The following HSPB2 variants were observed in gnomAD, a reference collection of about 807,000 sequenced individuals.
The protein encoded by HSPB2 is heat shock protein family B (small) member 2, also known as heat shock protein beta-2.
In HSPB2, 14 loss-of-function variants were observed where a neutral mutation model predicts 14.1. The observed-to-expected ratio is 0.99, with a 90% CI of 0.66 to 1.55. The LOEUF (loss-of-function observed/expected upper bound fraction) is 1.55. Among genes scored for constraint, HSPB2 ranks in the 40% most tolerant of loss-of-function variants. HSPB2 has a pLI of 0.00. For synonymous variants in HSPB2, 110 were observed against 103.4 expected (o/e 1.06, Z -0.39); for missense variants, 242 against 241.7 (o/e 1.00, Z -0.01).
rs560871797 is a variant in HSPB2, at chr11:111,913,043, A to G, written c.94+120A>G. The stretch of plus-strand genomic sequence containing the variant: ...CTTAACTGATCTCCTGGGACCAGCC[A>G]CCCCCCACCCCAGACTACCCCTCAT... On this transcript the variant is annotated intron_variant, in intron 1 of 1. Transcript: ENST00000304298. The G allele has an allele frequency of 3.2e-3, 2,152 of 677,182 alleles. 8 individuals are homozygous for G. Among genetic ancestry groups the G allele is most frequent in the Non-Finnish European group, 3.0e-3 (1,179 of 388,480 alleles). 41.9% of individuals were successfully genotyped at this position (677,182 alleles called of 1,614,324 possible). A position where few individuals can be genotyped will look rare whatever the true frequency, so the allele number is the denominator to read the frequency against.
Position 111,913,559 on chromosome 11 carries a change from G to A in HSPB2, c.213G>A (p.Glu71=), listed in dbSNP as rs1054895107. Residue 71 remains glutamate (E), a synonymous_variant, in exon 2 of 2, where the codon GAG becomes GAA. Coordinates refer to ENST00000304298, the MANE Select transcript of HSPB2 (RefSeq NM_001541.4). The part of the protein sequence containing the change: ...RAGASELRLS[E]GKFQAFLDVS... ...GGGCCTCCGAGCTTAGGCTCAGTGA[G>A]GGCAAGTTCCAGGCATTTCTGGATG... The A allele has an allele frequency of 1.9e-6, 3 of 1,614,174 alleles. No individual in the cohort carries two copies. In the Admixed American group the frequency reaches 5.0e-5, roughly 27 times the overall value.
chr11:111,913,468 C>G lies in HSPB2; in HGVS notation c.122C>G (p.Pro41Arg). Residue 41 changes from proline to arginine, a missense_variant, in exon 2 of 2, where the codon CCC (proline) becomes CGC (arginine). By Grantham distance (103) the Pro-to-Arg change is moderately radical. Transcript: ENST00000304298. ...CTCCTGCCAGAAGAGATCCTGACCCCCACACTCTACCATGGCTACTATGTC... is the reference window on the plus strand; with the variant it reads ...CTCCTGCCAGAAGAGATCCTGACCCGCACACTCTACCATGGCTACTATGTC... Reference protein sequence around the residue: ...EGLLPEEILTPTLYHGYYVRP... With the variant: ...EGLLPEEILTRTLYHGYYVRP... 2 of 1,611,418 alleles carry G rather than the reference C, an allele frequency of 1.2e-6. No homozygotes were observed. The highest frequency in any genetic ancestry group is 8.5e-7 in the Non-Finnish European group (1 of 1,179,986).
chr11:111,913,952 AGCTGC>A lies in HSPB2; in HGVS notation c.*58_*62del. On this transcript the variant is annotated 3_prime_UTR_variant, in exon 2 of 2. Coordinates refer to ENST00000304298, the MANE Select transcript of HSPB2 (RefSeq NM_001541.4). ...CTCTACCTCCCAAGGTGATATGGGC[AGCTGC>A]CCACCACTCCAGAGGTAGCAGCATC... is the stretch of plus-strand genomic sequence containing the variant. 1 of 1,436,898 alleles carries A rather than the reference AGCTGC, an allele frequency of 7.0e-7. No homozygotes were observed. The highest frequency in any genetic ancestry group is 1.3e-5 in the South Asian group (1 of 76,822). The allele number at this position is 1,436,898 out of a possible 1,614,324, so 89.0% of individuals were successfully genotyped here. A position where few individuals can be genotyped will look rare whatever the true frequency, so the allele number is the denominator to read the frequency against.
intron 1 of HSPB2, 83 bp from the exon 2 acceptor site, chr11:111,913,358 C>A: frequency 9.3e-7 from 1 of 1,074,702 alleles, no homozygotes; most frequent in South Asian, 1.4e-5. Flanking sequence ...CTTCCCAATC[C>A]CTCCTCTCCA....
At position 111,913,912 on chromosome 11, in the gene HSPB2, A is replaced by G; in HGVS notation, c.*17A>G. ...GAGCCCTGATTGCCACAGACCCAGC[A>G]CCCAGCAAATCCCTCTCTACCTCCC... On this transcript the variant is annotated 3_prime_UTR_variant, in exon 2 of 2. Transcript: ENST00000304298. 6.3e-7 allele frequency: 1 copy of G among 1,582,738 alleles called. No homozygotes were observed. The highest frequency in any genetic ancestry group is 8.6e-7 in the Non-Finnish European group (1 of 1,164,596).
Position 111,913,987 on chromosome 11 carries a change from G to C in HSPB2, c.*92G>C, listed in dbSNP as rs984087967. 6 of 1,127,394 alleles carry C rather than the reference G, an allele frequency of 5.3e-6. No homozygotes were observed. Among genetic ancestry groups the C allele is most frequent in the Non-Finnish European group, 7.5e-6 (6 of 798,964 alleles). The allele number at this position is 1,127,394 out of a possible 1,614,324, so 69.8% of individuals were successfully genotyped here. A position where few individuals can be genotyped will look rare whatever the true frequency, so the allele number is the denominator to read the frequency against. ...CACTCCAGAGGTAGCAGCATCCTTG[G>C]GGGAAGGGAAAGGTGCATGGTCCAC... On this transcript the variant is annotated 3_prime_UTR_variant, in exon 2 of 2. Transcript: ENST00000304298.
chr11:111,913,207 TCCTCCTCCC>T, intron 1 of HSPB2: 1 of 598,750 alleles, frequency 1.7e-6, no homozygotes. Flanking sequence ...TGGTGCCTCC[TCCTCCTCCC>T]CCTCCTCCTC....
rs1566414678 is a variant in HSPB2 at position 111,913,538 on chromosome 11, CT to C, written c.193del (p.Ser65ProfsTer16). ...CTGGGGAGGGCAGCAGGGCAGGGGC[CT>C]CCGAGCTTAGGCTCAGTGAGGGCAA... ...PAGEGSRAGASELRLSEGKFQ... is the reference protein window; with the variant it reads ...PAGEGSRAGAXELRLSEGKFQ... On this transcript the variant is annotated frameshift_variant, in exon 2 of 2. Coordinates refer to ENST00000304298, the MANE Select transcript of HSPB2 (RefSeq NM_001541.4). LOFTEE classifies it high-confidence loss of function. The C allele has an allele frequency of 6.2e-7, 1 of 1,614,150 alleles. No individual in the cohort carries two copies. Among genetic ancestry groups the C allele is most frequent in the Admixed American group, 1.7e-5 (1 of 60,022 alleles).
rs1965508691 is a variant in HSPB2, at chr11:111,912,833, T to G, written c.4T>G (p.Ser2Ala). 1 of 1,600,974 alleles carries G rather than the reference T, an allele frequency of 6.2e-7. No individual in the cohort carries two copies. The highest frequency in any genetic ancestry group is 2.0e-4 in the Middle Eastern group (1 of 4,888). MSGRSVPHAHPA... is the reference protein window; with the variant it reads MAGRSVPHAHPA... ...GGCTTCTGCTGCATCTGCAGCCATG[T>G]CGGGCCGCTCAGTGCCACATGCCCA... Residue 2 changes from serine to alanine, a missense_variant, in exon 1 of 2, where the codon TCG becomes GCG. By Grantham distance (99) the Ser-to-Ala change is moderately conservative. Transcript: ENST00000304298.
At chr11:111,913,317 G>A (rs553381463) in intron 1 of HSPB2, 124 bp from the exon 2 acceptor site, 10 of 737,094 alleles carry the variant, frequency 1.4e-5, no homozygotes, top group Admixed American at 6.8e-5. Flanking sequence ...CCTCCCTCCC[G>A]TTCCCTACTC....
At position 111,913,539 on chromosome 11, in the gene HSPB2, T is replaced by A; in HGVS notation, c.193T>A (p.Ser65Thr). 1.2e-6 allele frequency: 2 copies of A among 1,614,114 alleles called. No individual in the cohort carries two copies. Among genetic ancestry groups the A allele is most frequent in the Non-Finnish European group, 1.7e-6 (2 of 1,180,010 alleles). Residue 65 changes from serine to threonine, a missense_variant, in exon 2 of 2, where the codon TCC becomes ACC. Ser to Thr is a moderately conservative substitution (Grantham distance 58, BLOSUM62 1). Coordinates refer to ENST00000304298, the MANE Select transcript of HSPB2 (RefSeq NM_001541.4). ...PAGEGSRAGA[S>T]ELRLSEGKFQ... ...TGGGGAGGGCAGCAGGGCAGGGGCC[T>A]CCGAGCTTAGGCTCAGTGAGGGCAA...
intron 1 of HSPB2, 200 bp from the exon 2 acceptor site, chr11:111,913,240 TC>T: frequency 1.7e-6 from 1 of 571,570 alleles, no homozygotes; most frequent in Admixed American, 3.1e-5. Context: ...CTCCTCCTCC[TC>T]CTCCCTTTCC....
chr11:111,912,841 C>T lies in HSPB2; in HGVS notation c.12C>T (p.Arg4=), dbSNP rs782567564. The T allele has an allele frequency of 1.1e-5, 18 of 1,604,434 alleles. No individual in the cohort carries two copies. The highest frequency in any genetic ancestry group is 1.4e-5 in the Non-Finnish European group (16 of 1,177,060). ...CTGCATCTGCAGCCATGTCGGGCCG[C>T]TCAGTGCCACATGCCCACCCGGCCA... The part of the protein sequence containing the change: MSG[R]SVPHAHPATA... Residue 4 remains arginine (R), a synonymous_variant, in exon 1 of 2, where the codon CGC becomes CGT. Transcript: ENST00000304298.
chr11:111,913,217 C>G, intron 1 of HSPB2: 1 of 604,302 alleles, frequency 1.7e-6, no homozygotes, highest in South Asian at 2.0e-5. Flanking sequence ...TCCTCCTCCC[C>G]CTCCTCCTCC....
At position 111,914,091 on chromosome 11, in the gene HSPB2, G is replaced by A. The variant is rs1046582766; in HGVS notation, c.*196G>A. On this transcript the variant is annotated 3_prime_UTR_variant, in exon 2 of 2. Transcript: ENST00000304298. ...GGAGCTGAATAAACCCAAATCTCAGGGCCTTGTTTGTACTGCTCCCTATTC... is the reference window on the plus strand; with the variant it reads ...GGAGCTGAATAAACCCAAATCTCAGAGCCTTGTTTGTACTGCTCCCTATTC... 6.7e-6 allele frequency: 4 copies of A among 597,142 alleles called. No individual in the cohort carries two copies. The highest frequency in any genetic ancestry group is 8.8e-6 in the Non-Finnish European group (3 of 340,944). 37.0% of individuals were successfully genotyped at this position (597,142 alleles called of 1,614,324 possible).
Position 111,913,610 on chromosome 11 carries a change from G to A in HSPB2, c.264G>A (p.Val88=), listed in dbSNP as rs587627710. The change falls in exon 2 of 2, where the codon GTG becomes GTA. Residue 88 remains valine, a synonymous_variant. Coordinates refer to ENST00000304298, the MANE Select transcript of HSPB2 (RefSeq NM_001541.4). The part of the protein sequence containing the change: ...LDVSHFTPDE[V]TVRTVDNLLE... The stretch of plus-strand genomic sequence containing the variant: ...TGAGCCACTTTACCCCAGACGAGGT[G>A]ACTGTGAGGACTGTGGATAACCTGC... 3.1e-6 allele frequency: 5 copies of A among 1,614,204 alleles called. No homozygotes were observed. Among genetic ancestry groups the A allele is most frequent in the African/African-American group, 2.7e-5 (2 of 75,060 alleles).
intron 1 of HSPB2, 35 bp from the exon 2 acceptor site, chr11:111,913,406 C>T (rs782646187): frequency 1.3e-6 from 2 of 1,529,176 alleles, no homozygotes; most frequent in East Asian, 2.3e-5. Context: ...CTCATCCTCC[C>T]TCATCCTGCC....
Position 111,913,975 on chromosome 11 carries a change from GCAGCATCCTTGGGGGAAGGGA to G in HSPB2, c.*81_*101del. The G allele has an allele frequency of 8.0e-7, 1 of 1,245,328 alleles. No homozygotes were observed. The highest frequency in any genetic ancestry group is 1.4e-5 in the South Asian group (1 of 69,344). 77.1% of individuals were successfully genotyped at this position (1,245,328 alleles called of 1,614,324 possible). ...GCAGCTGCCCACCACTCCAGAGGTA[GCAGCATCCTTGGGGGAAGGGA>G]AAGGTGCATGGTCCACAATGTATGG... On this transcript the variant is annotated 3_prime_UTR_variant, in exon 2 of 2. Coordinates refer to ENST00000304298, the MANE Select transcript of HSPB2 (RefSeq NM_001541.4).
intron 1 of HSPB2, chr11:111,913,181 A>C (rs1965525409): frequency 3.4e-6 from 2 of 589,534 alleles, no homozygotes; most frequent in East Asian, 2.9e-5. Flanking sequence ...TCCCCCTTCT[A>C]TCCACCCAGG....
Sources: allele counts gnomAD v4.1 joint callset, GRCh38; gene constraint gnomAD v4.1.1; transcripts MANE v1.5; gene names NCBI Gene and HGNC (gene_info 2026-07-23, HGNC 2026-07-21).